The following TDRD7 variants were observed in gnomAD, a reference collection of about 807,000 sequenced individuals.
The protein encoded by TDRD7 is tudor domain containing 7.
A neutral mutation model predicts 109.8 loss-of-function variants in TDRD7; 47 were observed. The ratio of observed to expected loss-of-function variants is 0.43; its 90% CI spans 0.34 to 0.55. The LOEUF (loss-of-function observed/expected upper bound fraction) is 0.55. Ranked by LOEUF, TDRD7 falls within the 20% of genes least tolerant of loss-of-function variation. The pLI, the probability that TDRD7 is intolerant of heterozygous loss-of-function variation, is 0.03. For synonymous variants in TDRD7, 424 were observed against 457.3 expected (o/e 0.93, Z 0.93); for missense variants, 1,164 against 1,319.2 (o/e 0.88, Z 1.82).
intron 14 of TDRD7, 77 bp from the exon 15 acceptor site, chr9:97,482,772 A>T: frequency 6.7e-7 from 1 of 1,495,994 alleles, no homozygotes; most frequent in Non-Finnish European, 9.2e-7. Flanking sequence ...TGTTTTAATG[A>T]TTAAGGTTAC....
chr9:97,484,573 A>G (rs886748169), intron 15 of TDRD7, among the ~76,000 whole-genome samples: 5 of 152,174 alleles, frequency 3.3e-5, no homozygotes, highest in African/African-American at 1.2e-4. Context: ...AAACATAGGC[A>G]TGTATAAAGT....
At chr9:97,420,960 C>T (rs1293860896) in intron 1 of TDRD7, among the ~76,000 whole-genome samples, 1 of 151,982 alleles carries the variant, frequency 6.6e-6, no homozygotes, top group Non-Finnish European at 1.5e-5. Context: ...TGGTGAAACC[C>T]CATATCTACC....
chr9:97,444,972 G>T (rs527879539), intron 6 of TDRD7, among the ~76,000 whole-genome samples: 2 of 152,342 alleles, frequency 1.3e-5, no homozygotes, highest in East Asian at 3.9e-4. Context: ...GCAGAAGGAT[G>T]CTTTGAATCT....
intron 16 of TDRD7, among the ~76,000 whole-genome samples, chr9:97,490,559 G>GT (rs1587897962): frequency 7.3e-6 from 1 of 137,818 alleles, no homozygotes; most frequent in African/African-American, 2.6e-5. Context: ...TGGGGGGGGG[G>GT]GCATTTATCT....
At chr9:97,418,300 G>C (rs746177473) in intron 1 of TDRD7, among the ~76,000 whole-genome samples, 1 of 152,186 alleles carries the variant, frequency 6.6e-6, no homozygotes, top group Non-Finnish European at 1.5e-5. Context: ...GAGCACTTCT[G>C]TGCCGTGCAG....
At chr9:97,448,196 A>C (rs1163148600) in intron 6 of TDRD7, among the ~76,000 whole-genome samples, 1 of 152,190 alleles carries the variant, frequency 6.6e-6, no homozygotes, top group Non-Finnish European at 1.5e-5. Context: ...AACTGTAACC[A>C]TTTCTGAATA....
chr9:97,455,423 C>T lies in TDRD7; in HGVS notation c.856-4755C>T, dbSNP rs1338408988. The stretch of plus-strand genomic sequence containing the variant: ...TGATGAACATCAATGTGAAAATCCT[C>T]AAGAAAATACTGGCAAACTGAATCC... On this transcript the variant is annotated intron_variant, in intron 6 of 16. Coordinates refer to ENST00000355295, the MANE Select transcript of TDRD7 (RefSeq NM_014290.3). Among the ~76,000 whole-genome samples the T allele has an allele frequency of 3.9e-5, 6 of 152,186 alleles. No individual in the cohort carries two copies. In the East Asian group the frequency reaches 9.6e-4, roughly 24 times the overall value.
At chr9:97,486,417 T>C (rs1829212733) in intron 15 of TDRD7, among the ~76,000 whole-genome samples, 1 of 152,194 alleles carries the variant, frequency 6.6e-6, no homozygotes, top group African/African-American at 2.4e-5. Context: ...GTGGATTTCC[T>C]TCTGGTGCCT....
chr9:97,436,521 A>T (rs976850917), intron 4 of TDRD7, among the ~76,000 whole-genome samples: 1 of 152,094 alleles, frequency 6.6e-6, no homozygotes, highest in Admixed American at 6.6e-5. Context: ...GTATTCCCTC[A>T]GTTTGTTTAA....
intron 6 of TDRD7, among the ~76,000 whole-genome samples, chr9:97,446,579 G>A (rs1468937245): frequency 6.6e-6 from 1 of 152,152 alleles, no homozygotes; most frequent in East Asian, 1.9e-4. Context: ...AAATCACTGA[G>A]CTTTAAGTTG....
intron 14 of TDRD7, among the ~76,000 whole-genome samples, chr9:97,481,578 A>G (rs1425584202): frequency 1.3e-5 from 2 of 152,214 alleles, no homozygotes; most frequent in African/African-American, 2.4e-5. Context: ...CTTGAAAAAT[A>G]TCTTCATGAA....
At chr9:97,491,271 C>T (rs1320927912) in intron 16 of TDRD7, among the ~76,000 whole-genome samples, 1 of 152,176 alleles carries the variant, frequency 6.6e-6, no homozygotes, top group Non-Finnish European at 1.5e-5. Flanking sequence ...TTCTGTGTTT[C>T]TACTTCCATT....
intron 6 of TDRD7, 37 bp from the exon 7 acceptor site, chr9:97,460,141 T>C (rs1372260781): frequency 5.1e-6 from 8 of 1,581,280 alleles, no homozygotes; most frequent in Non-Finnish European, 7.0e-6. Flanking sequence ...TTATAGTCAC[T>C]GAAATATCTG....
intron 9 of TDRD7, 101 bp downstream of exon 9, chr9:97,470,770 T>C: frequency 1.2e-6 from 1 of 832,798 alleles, no homozygotes. Flanking sequence ...TCTCATGTTA[T>C]AATGTGTTAC....
chr9:97,447,764 C>G lies in TDRD7; in HGVS notation c.855+5889C>G, dbSNP rs74956724. Among the ~76,000 whole-genome samples the G allele has an allele frequency of 9.9e-3, 1,500 of 152,284 alleles. 13 individuals carry two copies. Among genetic ancestry groups the G allele is most frequent in the Non-Finnish European group, 0.016 (1,086 of 68,016 alleles). On this transcript the variant is annotated intron_variant, in intron 6 of 16. Transcript: ENST00000355295. Reference sequence around the variant, plus strand: ...ATGAGAGCAAGGAATGTGTCCAATGCACATTGAAAGCCACAGCTACTGGCC... The same window carrying G: ...ATGAGAGCAAGGAATGTGTCCAATGGACATTGAAAGCCACAGCTACTGGCC...
chr9:97,473,474 A>G lies in TDRD7; in HGVS notation c.1945-18A>G. 6.2e-7 allele frequency: 1 copy of G among 1,613,402 alleles called. No homozygotes were observed. The highest frequency in any genetic ancestry group is 8.5e-7 in the Non-Finnish European group (1 of 1,179,462). On this transcript the variant is annotated intron_variant, in intron 10 of 16. Transcript: ENST00000355295. Reference sequence around the variant, plus strand: ...TTCTGCTCTCAAGCATTCACGAGGTATCCTTTGTCTGTTATAGGTTGACGC... The same window carrying G: ...TTCTGCTCTCAAGCATTCACGAGGTGTCCTTTGTCTGTTATAGGTTGACGC...
chr9:97,482,872 A>G lies in TDRD7; in HGVS notation c.2436A>G (p.Arg812=), dbSNP rs1829138397. The change falls in exon 15 of 17, where the codon AGA becomes AGG. Residue 812 remains arginine, a synonymous_variant. Coordinates refer to ENST00000355295, the MANE Select transcript of TDRD7 (RefSeq NM_014290.3). ...SIKVTKVDET[R]GIAHVYLFTP... ...AGGTTACAAAAGTGGATGAAACCAG[A>G]GGGATCGCACATGTTTATTTATTTA... The G allele has an allele frequency of 6.2e-7, 1 of 1,614,022 alleles. No individual in the cohort carries two copies. Among genetic ancestry groups the G allele is most frequent in the African/African-American group, 1.3e-5 (1 of 74,934 alleles).
At chr9:97,464,472 CTTAGCCTCCCAAGTAGCTGG>C (rs2131154490) in intron 7 of TDRD7, among the ~76,000 whole-genome samples, 1 of 152,284 alleles carries the variant, frequency 6.6e-6, no homozygotes, top group East Asian at 1.9e-4. Flanking sequence ...ATTCTCCTGC[CTTAGCCTCCCAAGTAGCTGG>C]GACTACAGGC....
chr9:97,460,985 C>G (rs1281380697), intron 7 of TDRD7, among the ~76,000 whole-genome samples: 1 of 151,876 alleles, frequency 6.6e-6, no homozygotes, highest in African/African-American at 2.4e-5. Flanking sequence ...ACTAAAAATA[C>G]AAAAAATTAG....
Sources: gnomAD v4.1 joint callset for allele counts (sites outside exome capture counted in the v4.1 genomes callset) on GRCh38, gnomAD v4.1.1 for gene constraint, MANE v1.5 for transcripts, NCBI Gene and HGNC (gene_info 2026-07-23, HGNC 2026-07-21) for gene names.